TBCK: variants seen among roughly 807,000 people sequenced by gnomAD.
TBCK encodes TBC1 domain containing kinase.
In TBCK, 99 loss-of-function variants were observed where a neutral mutation model predicts 113.4. The ratio of observed to expected loss-of-function variants is 0.87; its 90% CI spans 0.74 to 1.03. TBCK has a LOEUF of 1.03. TBCK is among the 50% of genes least tolerant of loss of function. The pLI, the probability that TBCK is intolerant of heterozygous loss-of-function variation, is 0.00. For missense variants in TBCK, 1,045 were observed against 1,061.3 expected, an observed-to-expected ratio of 0.98 and a Z score of 0.21; for synonymous variants, 369 against 370.8, an observed-to-expected ratio of 1.00 and a Z score of 0.05.
intron 3 of TBCK, among the ~76,000 whole-genome samples, chr4:106,293,194 A>T (rs903896943): frequency 6.6e-6 from 1 of 151,594 alleles, no homozygotes; most frequent in Non-Finnish European, 1.5e-5. Flanking sequence ...TCTAGATTAA[A>T]GTCAAGACAG....
chr4:106,079,748 T>C (rs1057087935), intron 25 of TBCK, among the ~76,000 whole-genome samples: 1 of 152,168 alleles, frequency 6.6e-6, no homozygotes, highest in South Asian at 2.1e-4. Context: ...TGCCTGAGAC[T>C]GGGTATTCAT....
intron 20 of TBCK, among the ~76,000 whole-genome samples, chr4:106,206,576 T>C (rs1243034237): frequency 2.0e-5 from 3 of 152,182 alleles, no homozygotes; most frequent in African/African-American, 4.8e-5. Context: ...AGGACTCTTA[T>C]TATGAGATAT....
intron 23 of TBCK, among the ~76,000 whole-genome samples, chr4:106,143,287 C>A (rs1299651720): frequency 6.6e-6 from 1 of 152,148 alleles, no homozygotes; most frequent in African/African-American, 2.4e-5. Context: ...GTTGTGCTTA[C>A]AGGGCACTGC....
At chr4:106,201,379 C>A (rs1278456588) in intron 20 of TBCK, among the ~76,000 whole-genome samples, 1 of 151,686 alleles carries the variant, frequency 6.6e-6, no homozygotes, top group Non-Finnish European at 1.5e-5. Flanking sequence ...ATTTTGAATA[C>A]CAGGTGGGTT....
chr4:106,254,320 G>A (rs1193421750), intron 5 of TBCK, among the ~76,000 whole-genome samples: 1 of 152,192 alleles, frequency 6.6e-6, no homozygotes, highest in Non-Finnish European at 1.5e-5. Context: ...TGCAACCCAA[G>A]TTTCAAGGCA....
chr4:106,256,112 C>T (rs977673549), intron 5 of TBCK, among the ~76,000 whole-genome samples: 2 of 152,140 alleles, frequency 1.3e-5, no homozygotes, highest in Non-Finnish European at 2.9e-5. Context: ...AAGAAGTGCA[C>T]GTCCATTGGT....
chr4:106,060,069 A>T (rs1459771433), intron 25 of TBCK, among the ~76,000 whole-genome samples: 1 of 151,830 alleles, frequency 6.6e-6, no homozygotes, highest in Non-Finnish European at 1.5e-5. Flanking sequence ...GGAAGCTAGC[A>T]GACATTGGTT....
At chr4:106,263,659 C>T (rs1243326043) in intron 3 of TBCK, among the ~76,000 whole-genome samples, 1 of 151,586 alleles carries the variant, frequency 6.6e-6, no homozygotes, top group Non-Finnish European at 1.5e-5. Context: ...TAAATTATAC[C>T]TTAATAATCC....
intron 23 of TBCK, among the ~76,000 whole-genome samples, chr4:106,126,680 T>C (rs1488029318): frequency 6.6e-6 from 1 of 152,184 alleles, no homozygotes; most frequent in Non-Finnish European, 1.5e-5. Flanking sequence ...TATGATTAAA[T>C]GATTCTGCAG....
chr4:106,049,013 C>T (rs1362971958), intron 25 of TBCK, among the ~76,000 whole-genome samples: 1 of 152,094 alleles, frequency 6.6e-6, no homozygotes, highest in Non-Finnish European at 1.5e-5. Context: ...AGAAAAAGAG[C>T]AACTGTTGAG....
intron 15 of TBCK, among the ~76,000 whole-genome samples, chr4:106,234,654 G>A (rs1759251130): frequency 6.6e-6 from 1 of 152,028 alleles, no homozygotes; most frequent in South Asian, 2.1e-4. Context: ...GAGAATATAA[G>A]AAGACAAGAT....
chr4:106,120,452 G>C (rs894290103), intron 23 of TBCK, among the ~76,000 whole-genome samples: 2 of 152,302 alleles, frequency 1.3e-5, no homozygotes, highest in African/African-American at 4.8e-5. Context: ...CTTGAACTGG[G>C]TGGAGCCCAC....
At chr4:106,120,280 C>T (rs966179886) in intron 23 of TBCK, among the ~76,000 whole-genome samples, 7 of 152,246 alleles carry the variant, frequency 4.6e-5, no homozygotes, top group Middle Eastern at 3.4e-3. Flanking sequence ...CGGCGCACCA[C>T]GAGATTATAT....
chr4:106,125,026 TATCATCTC>T (rs1745005365), intron 23 of TBCK, among the ~76,000 whole-genome samples: 1 of 150,162 alleles, frequency 6.7e-6, no homozygotes, highest in Non-Finnish European at 1.5e-5. Flanking sequence ...CACAATGTGA[TATCATCTC>T]ACCTGGGTTA....
At chr4:106,094,646 A>G (rs962897535) in intron 25 of TBCK, among the ~76,000 whole-genome samples, 3 of 152,188 alleles carry the variant, frequency 2.0e-5, no homozygotes, top group African/African-American at 7.2e-5. Context: ...TCCTAAGCAT[A>G]TTCCTGGCCT....
chr4:106,102,853 G>A (rs542712948), intron 24 of TBCK, among the ~76,000 whole-genome samples: 189 of 152,202 alleles, frequency 1.2e-3, no homozygotes, highest in African/African-American at 4.4e-3. Context: ...ATATTGTACA[G>A]GGTCACATTT....
intron 23 of TBCK, among the ~76,000 whole-genome samples, chr4:106,151,152 G>T (rs751327838): frequency 6.6e-6 from 1 of 151,780 alleles, no homozygotes; most frequent in Non-Finnish European, 1.5e-5. Context: ...ATTCCATCCA[G>T]GTTAATGGGA....
intron 20 of TBCK, among the ~76,000 whole-genome samples, chr4:106,206,071 C>T (rs1192852766): frequency 6.6e-6 from 1 of 151,896 alleles, no homozygotes; most frequent in Non-Finnish European, 1.5e-5. Context: ...CTATAAATAT[C>T]GATAGCTATA....
intron 25 of TBCK, among the ~76,000 whole-genome samples, chr4:106,067,712 G>T (rs1044986450): frequency 7.9e-5 from 12 of 152,136 alleles, no homozygotes; most frequent in Non-Finnish European, 1.3e-4. Context: ...TTTGCGTGTG[G>T]ATATTCAGTT....
Sources: allele counts gnomAD v4.1 joint callset (sites outside exome capture counted in the v4.1 genomes callset), GRCh38; gene constraint gnomAD v4.1.1; transcripts MANE v1.5; gene names NCBI Gene and HGNC (gene_info 2026-07-23, HGNC 2026-07-21).